GPR107: variants seen among roughly 807,000 people sequenced by gnomAD.
GPR107 encodes the protein protein GPR107.
A neutral mutation model predicts 75.5 loss-of-function variants in GPR107; 31 were observed. The ratio of observed to expected loss-of-function variants is 0.41; its 90% CI spans 0.31 to 0.55. GPR107 has a LOEUF of 0.55. Among genes scored for constraint, GPR107 ranks in the 20% least tolerant of loss-of-function variants. The pLI, the probability that GPR107 is intolerant of heterozygous loss-of-function variation, is 0.26. For missense variants in GPR107, 572 were observed against 665.7 expected, an observed-to-expected ratio of 0.86 and a Z score of 1.55; for synonymous variants, 267 against 251.3, an observed-to-expected ratio of 1.06 and a Z score of -0.59.
Position 130,112,734 on chromosome 9 carries a change from A to AT in GPR107, c.1306+5202dup, listed in dbSNP as rs1249898482. ...AAGCTGAACTAGCTGCTTTTATTTT[A>AT]TTTTTTTGTTGTTTTTTATTTATTT... is the stretch of plus-strand genomic sequence containing the variant. On this transcript the variant is annotated intron_variant, in intron 14 of 17. Coordinates refer to ENST00000347136, the MANE Select transcript of GPR107 (RefSeq NM_020960.5). This position sits in a 1 kb window ranked among gnomAD's most constrained non-coding sequence, Gnocchi z 4.0. Among the ~76,000 whole-genome samples the AT allele has an allele frequency of 6.6e-6, 1 of 151,504 alleles. No homozygotes were observed. Among genetic ancestry groups the AT allele is most frequent in the Admixed American group, 6.6e-5 (1 of 15,222 alleles).
intron 7 of GPR107, among the ~76,000 whole-genome samples, chr9:130,089,169 CA>C (rs998736204): frequency 6.3e-4 from 88 of 138,840 alleles, no homozygotes; most frequent in Admixed American, 7.3e-4. Flanking sequence ...GACTCCATCT[CA>C]AAAAAAAAAA....
chr9:130,062,420 GATAATAATA>G (rs10578697), intron 1 of GPR107, among the ~76,000 whole-genome samples: 3,447 of 139,846 alleles, frequency 0.025, 56 homozygotes, highest in Middle Eastern at 0.037. Context: ...TCTCGAAAAT[GATAATAATA>G]ATAATAATAA....
intron 9 of GPR107, among the ~76,000 whole-genome samples, chr9:130,097,155 CT>C (rs71387312): frequency 0.01 from 1,343 of 130,108 alleles, 17 homozygotes; most frequent in African/African-American, 0.037. Flanking sequence ...TCTTTTTTTT[CT>C]TTTTTTTTTT....
chr9:130,106,035 A>G (rs1205221688), intron 13 of GPR107, among the ~76,000 whole-genome samples: 1 of 152,188 alleles, frequency 6.6e-6, no homozygotes, highest in Non-Finnish European at 1.5e-5. Context: ...GGTATCTAAC[A>G]TAGGATGTCC....
In GPR107 at chr9:130,079,659, G is replaced by C; in HGVS notation, c.416G>C (p.Gly139Ala). The change falls in exon 5 of 18, where the codon GGT becomes GCT. Residue 139 changes from glycine to alanine, a missense_variant. Transcript: ENST00000347136. ...AGAGTAAAGTCTCCACCAGAAGCTG[G>C]TACCCAGTTACCAAAGATCATCTTC... ...EVRVKSPPEA[G>A]TQLPKIIFSR... The C allele has an allele frequency of 6.2e-7, 1 of 1,613,464 alleles. No individual in the cohort carries two copies. The highest frequency in any genetic ancestry group is 2.2e-5 in the East Asian group (1 of 44,866).
chr9:130,138,624 C>T lies in GPR107; in HGVS notation c.*3503C>T. 1 of 151,948 alleles carries T rather than the reference C, an allele frequency of 6.6e-6. No homozygotes were observed. The highest frequency in any genetic ancestry group is 1.5e-5 in the Non-Finnish European group (1 of 68,006). 9.4% of individuals were successfully genotyped at this position (151,948 alleles called of 1,614,324 possible). A position where few individuals can be genotyped will look rare whatever the true frequency, so the allele number is the denominator to read the frequency against. On this transcript the variant is annotated 3_prime_UTR_variant, in exon 18 of 18. Transcript: ENST00000347136. ...CCCACATAGGCTCATTCTGGGTACACCGGCTAAAGGCTTTGGTGCATTGCA... is the reference window on the plus strand; with the variant it reads ...CCCACATAGGCTCATTCTGGGTACATCGGCTAAAGGCTTTGGTGCATTGCA...
At chr9:130,078,909 AG>A (rs2132566153) in intron 4 of GPR107, among the ~76,000 whole-genome samples, 1 of 152,312 alleles carries the variant, frequency 6.6e-6, no homozygotes, top group East Asian at 1.9e-4. Context: ...AATGGATATT[AG>A]GAGGCAACTA....
chr9:130,096,062 A>T (rs556174459), intron 9 of GPR107, among the ~76,000 whole-genome samples: 62 of 152,170 alleles, frequency 4.1e-4, no homozygotes, highest in African/African-American at 1.5e-3. Flanking sequence ...GTGTAGGTAG[A>T]ACTAGTATTT....
intron 1 of GPR107, among the ~76,000 whole-genome samples, chr9:130,069,380 G>A (rs957802592): frequency 7.2e-5 from 11 of 152,306 alleles, no homozygotes; most frequent in Non-Finnish European, 1.6e-4. Flanking sequence ...TGAGAATGTA[G>A]CTGAACCTCC....
At position 130,053,986 on chromosome 9, in the gene GPR107, C is replaced by G. The variant is rs1443353824; in HGVS notation, c.54C>G (p.Ala18=). 16 of 1,552,748 alleles carry G rather than the reference C, an allele frequency of 1.0e-5. No individual in the cohort carries two copies. The highest frequency in any genetic ancestry group is 2.7e-5 in the African/African-American group (2 of 73,228). The part of the protein sequence containing the change: ...GSPASRGPRL[A]AGLRLLPMLG... ...CCGCCTCCCGCGGTCCTAGGCTGGC[C>G]GCGGGCCTCCGGCTGCTCCCAATGC... Residue 18 remains alanine (A), a synonymous_variant, in exon 1 of 18, where the codon GCC becomes GCG. Transcript: ENST00000347136.
intron 17 of GPR107, among the ~76,000 whole-genome samples, chr9:130,130,889 A>AAC (rs1395325816): frequency 6.7e-6 from 1 of 150,124 alleles, no homozygotes; most frequent in African/African-American, 2.5e-5. Flanking sequence ...AAAAAAAAAA[A>AAC]AAAACGCATG....
Position 130,107,498 on chromosome 9 carries a change from C to A in GPR107, c.1265C>A (p.Ser422Ter). 1.9e-6 allele frequency: 3 copies of A among 1,578,022 alleles called. No homozygotes were observed. Among genetic ancestry groups the A allele is most frequent in the South Asian group, 2.2e-5 (2 of 90,378 alleles). The change falls in exon 14 of 18, where the codon TCA becomes TAA. Residue 422 changes from serine (S) to a stop codon, truncating the protein, a stop_gained and splice_region_variant. Transcript: ENST00000347136. LOFTEE classifies it high-confidence loss of function. ...CGAILFPVVWSIRHLQEASAT... is the reference protein window; with the variant it reads ...CGAILFPVVW ...GTTCTCTAAATGTTTATTTTTAGGT[C>A]AATCAGACATTTACAAGAAGCATCA...
intron 4 of GPR107, among the ~76,000 whole-genome samples, chr9:130,078,164 C>CAAA (rs201310482): frequency 1.0e-5 from 1 of 98,684 alleles, no homozygotes. Flanking sequence ...GACTCCGTCT[C>CAAA]AAAAAAAAAA....
At position 130,139,994 on chromosome 9, in the gene GPR107, A is replaced by T. The variant is rs1178815309; in HGVS notation, c.*4873A>T. On this transcript the variant is annotated 3_prime_UTR_variant, in exon 18 of 18. Transcript: ENST00000347136. ...ATAGCATTTGCTTTCCTGGTTAGAGATTGGGATGCAGAAGGAGTTTTCAGT... is the reference window on the plus strand; with the variant it reads ...ATAGCATTTGCTTTCCTGGTTAGAGTTTGGGATGCAGAAGGAGTTTTCAGT... The T allele has an allele frequency of 1.3e-5, 2 of 152,158 alleles. No individual in the cohort carries two copies. The highest frequency in any genetic ancestry group is 1.3e-4 in the Admixed American group (2 of 15,278). 9.4% of individuals were successfully genotyped at this position (152,158 alleles called of 1,614,324 possible).
chr9:130,099,434 T>C, intron 9 of GPR107, 23 bp from the exon 10 acceptor site: 1 of 1,391,732 alleles, frequency 7.2e-7, no homozygotes, highest in Non-Finnish European at 1.0e-6. Context: ...CTTCCTTTAA[T>C]TGTTTTCTCT....
At chr9:130,117,995 C>A (rs557003769) in intron 14 of GPR107, among the ~76,000 whole-genome samples, 74 of 152,188 alleles carry the variant, frequency 4.9e-4, no homozygotes, top group Non-Finnish European at 9.7e-4. Context: ...GTCCTAAAGT[C>A]ACTAGTGGAC....
At chr9:130,061,023 C>T (rs1250710714) in intron 1 of GPR107, among the ~76,000 whole-genome samples, 3 of 152,140 alleles carry the variant, frequency 2.0e-5, no homozygotes, top group Non-Finnish European at 2.9e-5. Context: ...TAAAATCTGC[C>T]AATATACATT....
chr9:130,121,998 C>G (rs936909413), intron 14 of GPR107, among the ~76,000 whole-genome samples: 2 of 151,898 alleles, frequency 1.3e-5, no homozygotes, highest in African/African-American at 4.8e-5. Context: ...TCATGCCATT[C>G]TCCTGCTTCA....
chr9:130,108,992 C>CTTTT (rs11316244), intron 14 of GPR107, among the ~76,000 whole-genome samples: 50 of 66,034 alleles, frequency 7.6e-4, no homozygotes, highest in Admixed American at 8.5e-4. Context: ...TGGGGATATT[C>CTTTT]TTTTTTTTTT....
Sources: allele counts gnomAD v4.1 joint callset (sites outside exome capture counted in the v4.1 genomes callset), GRCh38; gene constraint gnomAD v4.1.1; non-coding constraint Gnocchi (gnomAD v3.1); transcripts MANE v1.5; gene names NCBI Gene and HGNC (gene_info 2026-07-23, HGNC 2026-07-21).